DLGAP2: variants seen among roughly 807,000 people sequenced by gnomAD.
DLGAP2 encodes the protein DLG associated protein 2.
In DLGAP2, 26 loss-of-function variants were observed where a neutral mutation model predicts 100.3. The observed-to-expected ratio is 0.26, with a 90% CI of 0.19 to 0.36. The LOEUF (loss-of-function observed/expected upper bound fraction) is 0.36. Among genes scored for constraint, DLGAP2 ranks in the 10% least tolerant of loss-of-function variants. The pLI, the probability that DLGAP2 is intolerant of heterozygous loss-of-function variation, is 1.00. For missense variants in DLGAP2, 1,858 were observed against 1,453.2 expected (o/e 1.28, Z -4.53); for synonymous variants, 886 against 630.1 (o/e 1.41, Z -6.08).
intron 3 of DLGAP2, among the ~76,000 whole-genome samples, chr8:1,438,205 T>A (rs1006303037): frequency 3.3e-5 from 5 of 152,152 alleles, no homozygotes; most frequent in African/African-American, 1.2e-4. Flanking sequence ...CTGGTTCTTT[T>A]AAAATGCATT....
rs563371960 is a variant in DLGAP2, at chr8:986,868, C to G, written c.73+78902C>G. 2.6e-5 allele frequency among the ~76,000 whole-genome samples: 4 copies of G among 152,230 alleles called. No homozygotes were observed. The East Asian group carries it at 7.7e-4, about 29-fold the overall frequency. ...AGAGATGGGGTTTTGCCATGTTGGC[C>G]AGGCTGGTCTCAAACTCCTGACCTC... is the stretch of plus-strand genomic sequence containing the variant. On this transcript the variant is annotated intron_variant, in intron 2 of 14. Coordinates refer to ENST00000637795, the MANE Select transcript of DLGAP2 (RefSeq NM_001346810.2).
intron 3 of DLGAP2, among the ~76,000 whole-genome samples, chr8:1,492,772 AAG>A (rs1392852811): frequency 6.6e-6 from 1 of 152,188 alleles, no homozygotes; most frequent in Admixed American, 6.5e-5. Flanking sequence ...ATTTTGCGTG[AAG>A]ACCTGTGTGC....
chr8:1,641,870 C>T (rs1797908906), intron 8 of DLGAP2, among the ~76,000 whole-genome samples: 1 of 151,566 alleles, frequency 6.6e-6, no homozygotes, highest in Non-Finnish European at 1.5e-5. Flanking sequence ...CTCCCATACC[C>T]CTCGAACCCG....
At chr8:969,471 T>C (rs1183013195) in intron 2 of DLGAP2, among the ~76,000 whole-genome samples, 1 of 151,760 alleles carries the variant, frequency 6.6e-6, no homozygotes, top group Admixed American at 6.6e-5. Flanking sequence ...GCAAACCCAG[T>C]GTGCTGGAGC....
chr8:838,830 G>T (rs1271355538), intron 1 of DLGAP2, among the ~76,000 whole-genome samples: 7 of 152,166 alleles, frequency 4.6e-5, no homozygotes, highest in Non-Finnish European at 1.0e-4. Flanking sequence ...AATTAAAGCT[G>T]GACTGTGATT....
In DLGAP2 at chr8:887,193, C is replaced by G. The variant is rs924598791; in HGVS notation, c.19-20719C>G. On this transcript the variant is annotated intron_variant, in intron 1 of 14. Coordinates refer to ENST00000637795, the MANE Select transcript of DLGAP2 (RefSeq NM_001346810.2). ...TTGTCAGAGATTAGGATTGCAACCC[C>G]TGCTTTTTTTTTTTGCTTTCCATTT... 2.6e-4 allele frequency among the ~76,000 whole-genome samples: 40 copies of G among 151,792 alleles called. 1 individual carries two copies. The highest frequency in any genetic ancestry group is 4.4e-4 in the Non-Finnish European group (30 of 67,956).
chr8:805,070 C>T (rs1447657513), intron 1 of DLGAP2, among the ~76,000 whole-genome samples: 1 of 152,186 alleles, frequency 6.6e-6, no homozygotes, highest in African/African-American at 2.4e-5. Flanking sequence ...TGCTCCTGGC[C>T]TCTGCCTTTT....
intron 2 of DLGAP2, 70 bp downstream of exon 2, chr8:908,036 T>G (rs1798415550): frequency 2.5e-6 from 1 of 398,484 alleles, no homozygotes; most frequent in African/African-American, 2.1e-5. Context: ...AGAAATGTGA[T>G]TACCTAATTT....
At chr8:980,682 A>T (rs1022659225) in intron 2 of DLGAP2, among the ~76,000 whole-genome samples, 5 of 152,204 alleles carry the variant, frequency 3.3e-5, no homozygotes, top group Non-Finnish European at 1.5e-5. Context: ...CTGAGGAAGG[A>T]GAGACTCCAG....
chr8:1,658,595 A>T (rs1798337837), intron 8 of DLGAP2, among the ~76,000 whole-genome samples: 1 of 152,090 alleles, frequency 6.6e-6, no homozygotes, highest in African/African-American at 2.4e-5. Context: ...CCAGGAATTT[A>T]TCCATTCCCT....
intron 6 of DLGAP2, among the ~76,000 whole-genome samples, chr8:1,602,761 T>C (rs936375033): frequency 1.3e-5 from 2 of 152,200 alleles, no homozygotes; most frequent in Non-Finnish European, 1.5e-5. Context: ...CAGGCACTGC[T>C]CCAGATGCTC....
chr8:1,574,003 G>C (rs1200599072), intron 6 of DLGAP2, among the ~76,000 whole-genome samples: 2 of 152,100 alleles, frequency 1.3e-5, no homozygotes, highest in Admixed American at 1.3e-4. Context: ...CCCATTCTGG[G>C]AGCTCCAGGC....
intron 4 of DLGAP2, among the ~76,000 whole-genome samples, chr8:1,513,614 G>A (rs139455109): frequency 1.4e-4 from 21 of 152,322 alleles, no homozygotes; most frequent in African/African-American, 5.1e-4. Context: ...TAAAAATTGA[G>A]GTGAGACCTT....
chr8:1,326,035 G>T lies in DLGAP2; in HGVS notation c.106+67152G>T, dbSNP rs1801013571. ...GGACCCAGTGTAGAATGAAAAGATGGGCCATTTGTTCAATAAGCAGGAAAA... is the reference window on the plus strand; with the variant it reads ...GGACCCAGTGTAGAATGAAAAGATGTGCCATTTGTTCAATAAGCAGGAAAA... On this transcript the variant is annotated intron_variant, in intron 3 of 14. Transcript: ENST00000637795. Among the ~76,000 whole-genome samples the T allele has an allele frequency of 2.0e-5, 3 of 152,208 alleles. No individual in the cohort carries two copies. The South Asian group carries it at 6.2e-4, about 32-fold the overall frequency.
intron 2 of DLGAP2, chr8:1,104,810 G>T (rs546191494): frequency 1.1e-3 from 172 of 152,312 alleles, no homozygotes; most frequent in African/African-American, 3.9e-3. Flanking sequence ...CCTGCTGTTG[G>T]GTTAATTACC....
chr8:948,341 G>T (rs574921225), intron 2 of DLGAP2, among the ~76,000 whole-genome samples: 68 of 152,326 alleles, frequency 4.5e-4, no homozygotes, highest in Admixed American at 1.9e-3. Context: ...TGAGGTCCGT[G>T]CAGAGGAAGG....
intron 1 of DLGAP2, among the ~76,000 whole-genome samples, chr8:819,914 A>G (rs571697340): frequency 6.6e-6 from 1 of 152,178 alleles, no homozygotes; most frequent in Admixed American, 6.5e-5. Context: ...TTGGTCATGA[A>G]AGTGGGAATA....
At chr8:1,294,037 C>A (rs1437387249) in intron 3 of DLGAP2, among the ~76,000 whole-genome samples, 1 of 152,300 alleles carries the variant, frequency 6.6e-6, no homozygotes. Context: ...GCCACCAGGG[C>A]TCCCTGCCGG....
At chr8:977,239 T>G (rs1476380157) in intron 2 of DLGAP2, among the ~76,000 whole-genome samples, 1 of 152,242 alleles carries the variant, frequency 6.6e-6, no homozygotes, top group African/African-American at 2.4e-5. Context: ...CCTCTGTCTG[T>G]ACCTGGTTGG....
Sources: gnomAD v4.1 joint callset for allele counts (sites outside exome capture counted in the v4.1 genomes callset) on GRCh38, gnomAD v4.1.1 for gene constraint, MANE v1.5 for transcripts, NCBI Gene and HGNC (gene_info 2026-07-23, HGNC 2026-07-21) for gene names.